The following HLCS variants were observed in gnomAD, a reference collection of about 807,000 sequenced individuals.
HLCS encodes biotin--protein ligase.
In HLCS, 53 loss-of-function variants were observed where a neutral mutation model predicts 75.0. The observed-to-expected ratio is 0.71, with a 90% CI of 0.57 to 0.89. HLCS has a LOEUF of 0.89. Ranked by LOEUF, HLCS falls within the 40% of genes least tolerant of loss-of-function variation. HLCS has a pLI of 0.00. For missense variants in HLCS, 966 were observed against 1,074.0 expected, an observed-to-expected ratio of 0.90 and a Z score of 1.41; for synonymous variants, 431 against 428.6, an observed-to-expected ratio of 1.01 and a Z score of -0.07.
Position 36,753,886 on chromosome 21 carries a change from A to G in HLCS, c.*360T>C, listed in dbSNP as rs1027725702. On this transcript the variant is annotated 3_prime_UTR_variant, in exon 11 of 11. Transcript: ENST00000674895. This position sits in a 1 kb window ranked among gnomAD's most constrained non-coding sequence, Gnocchi z 4.3. Reference sequence around the variant, plus strand: ...AGCATATTTTGGTTTGTTTTTTCATAGACTAGGGGTAAAGGTCTGCACTAC... The same window carrying G: ...AGCATATTTTGGTTTGTTTTTTCATGGACTAGGGGTAAAGGTCTGCACTAC... The G allele has an allele frequency of 3.2e-5, 11 of 348,202 alleles. No individual in the cohort carries two copies. The highest frequency in any genetic ancestry group is 1.5e-4 in the African/African-American group (7 of 47,036). The allele number at this position is 348,202 out of a possible 1,614,324, so 21.6% of individuals were successfully genotyped here.
intron 6 of HLCS, among the ~76,000 whole-genome samples, chr21:36,839,372 G>C: frequency 7.2e-6 from 1 of 139,706 alleles, no homozygotes; most frequent in South Asian, 2.3e-4. Context: ...GGTAGCCTGG[G>C]AAGAGGCCTG....
intron 5 of HLCS, among the ~76,000 whole-genome samples, chr21:36,921,701 C>G (rs961461719): frequency 6.6e-6 from 1 of 152,176 alleles, no homozygotes; most frequent in African/African-American, 2.4e-5. Context: ...CTCGGAGGCG[C>G]AGCAGCACAG....
chr21:36,989,875 G>A (rs1601082297), intron 1 of HLCS, among the ~76,000 whole-genome samples: 1 of 151,960 alleles, frequency 6.6e-6, no homozygotes, highest in South Asian at 2.1e-4. Flanking sequence ...ACTGACAGCC[G>A]GGCCGAGCCA....
chr21:36,767,421 C>T, intron 6 of HLCS, 136 bp from the exon 7 acceptor site: 2 of 795,564 alleles, frequency 2.5e-6, no homozygotes, highest in South Asian at 2.8e-5. Context: ...GTTCCACTGG[C>T]CTTCAGGAAT....
intron 2 of HLCS, among the ~76,000 whole-genome samples, chr21:36,959,204 C>T (rs1478183524): frequency 6.6e-6 from 1 of 152,244 alleles, no homozygotes; most frequent in Non-Finnish European, 1.5e-5. Flanking sequence ...TTCCTGCTCC[C>T]TGTGCCCGCT....
chr21:36,947,087 A>G (rs2067438412), intron 2 of HLCS, among the ~76,000 whole-genome samples: 1 of 152,172 alleles, frequency 6.6e-6, no homozygotes, highest in Non-Finnish European at 1.5e-5. Flanking sequence ...AGAGCAATCA[A>G]AGGAGGAGGA....
At chr21:36,762,207 T>C (rs2089873541) in intron 8 of HLCS, among the ~76,000 whole-genome samples, 1 of 152,210 alleles carries the variant, frequency 6.6e-6, no homozygotes, top group Admixed American at 6.5e-5. Flanking sequence ...AAGCCACACG[T>C]GGTGGATACC....
chr21:36,881,427 A>G (rs2064210233), intron 6 of HLCS, among the ~76,000 whole-genome samples: 1 of 152,194 alleles, frequency 6.6e-6, no homozygotes, highest in South Asian at 2.1e-4. Context: ...GGAAACTCCA[A>G]TTACTCAGCC....
At chr21:36,909,151 C>T (rs1452605004) in intron 5 of HLCS, among the ~76,000 whole-genome samples, 1 of 151,884 alleles carries the variant, frequency 6.6e-6, no homozygotes, top group Non-Finnish European at 1.5e-5. Flanking sequence ...GAGCCTAGAT[C>T]GCGCCACTGC....
chr21:36,786,233 A>G (rs1276174676), intron 6 of HLCS, among the ~76,000 whole-genome samples: 1 of 151,702 alleles, frequency 6.6e-6, no homozygotes, highest in Non-Finnish European at 1.5e-5. Context: ...TTTGCTTGAC[A>G]TCTTACAATC....
intron 4 of HLCS, 59 bp downstream of exon 4, chr21:36,936,390 C>A (rs1269820477): frequency 1.4e-6 from 2 of 1,409,296 alleles, no homozygotes; most frequent in South Asian, 2.3e-5. Flanking sequence ...AAGACATATT[C>A]CCTCGCAAAA....
At chr21:36,962,348 T>C (rs748007866) in intron 1 of HLCS, among the ~76,000 whole-genome samples, 178 bp from the exon 2 acceptor site, 1 of 152,188 alleles carries the variant, frequency 6.6e-6, no homozygotes, top group Non-Finnish European at 1.5e-5. Context: ...TGTGACTGTT[T>C]AAGCACCTGC....
At chr21:36,826,068 A>G (rs2061999974) in intron 6 of HLCS, among the ~76,000 whole-genome samples, 1 of 152,170 alleles carries the variant, frequency 6.6e-6, no homozygotes, top group African/African-American at 2.4e-5. Context: ...GAATCCCACC[A>G]ACTTCACTCT....
chr21:36,908,164 T>C (rs2065543774), intron 5 of HLCS, among the ~76,000 whole-genome samples: 1 of 151,942 alleles, frequency 6.6e-6, no homozygotes, highest in Non-Finnish European at 1.5e-5. Context: ...GCAAGAGGAT[T>C]GCTTGAGCCC....
chr21:36,767,349 A>C, intron 6 of HLCS, 64 bp from the exon 7 acceptor site: 8 of 1,491,436 alleles, frequency 5.4e-6, no homozygotes, highest in South Asian at 1.1e-5. Flanking sequence ...CCAATGGCTC[A>C]CACAGGAGGG....
chr21:36,963,814 T>C (rs1402298443), intron 1 of HLCS, among the ~76,000 whole-genome samples: 1 of 152,246 alleles, frequency 6.6e-6, no homozygotes, highest in African/African-American at 2.4e-5. Flanking sequence ...GACAAAAAGC[T>C]TGATACTGCC....
intron 10 of HLCS, among the ~76,000 whole-genome samples, chr21:36,756,311 A>C (rs868172527): frequency 6.6e-6 from 1 of 151,808 alleles, no homozygotes; most frequent in Non-Finnish European, 1.5e-5. Context: ...GGCGGCGGGC[A>C]CCTGTAGTCC....
At chr21:36,791,267 C>T (rs2060855250) in intron 6 of HLCS, among the ~76,000 whole-genome samples, 1 of 152,158 alleles carries the variant, frequency 6.6e-6, no homozygotes, top group Non-Finnish European at 1.5e-5. Flanking sequence ...CAGACCCCCA[C>T]CCCTGCCGGA....
chr21:36,832,492 C>G (rs1365706377), intron 6 of HLCS, among the ~76,000 whole-genome samples: 35 of 152,248 alleles, frequency 2.3e-4, no homozygotes. Flanking sequence ...CCCGACCTCA[C>G]TCACAGTCTA....
Sources: gnomAD v4.1 joint callset for allele counts (sites outside exome capture counted in the v4.1 genomes callset) on GRCh38, gnomAD v4.1.1 for gene constraint, Gnocchi (gnomAD v3.1) non-coding constraint, MANE v1.5 for transcripts, NCBI Gene and HGNC (gene_info 2026-07-23, HGNC 2026-07-21) for gene names.